ROBO1: variants seen among roughly 807,000 people sequenced by gnomAD.
The protein encoded by ROBO1 is roundabout guidance receptor 1.
Under a neutral mutation model 195.9 loss-of-function variants are expected in ROBO1, and 149 were observed. The ratio of observed to expected loss-of-function variants is 0.76; its 90% CI spans 0.67 to 0.87. The LOEUF (loss-of-function observed/expected upper bound fraction) is 0.87. Among genes scored for constraint, ROBO1 ranks in the 40% least tolerant of loss-of-function variants. The pLI is 0.00. For missense variants in ROBO1, 1,933 were observed against 2,068.3 expected (o/e 0.93, Z 1.27); for synonymous variants, 816 against 733.2 (o/e 1.11, Z -1.82).
intron 2 of ROBO1, among the ~76,000 whole-genome samples, chr3:79,145,867 C>A (rs2080638187): frequency 6.6e-6 from 1 of 151,860 alleles, no homozygotes; most frequent in Non-Finnish European, 1.5e-5. Context: ...TTACAGTGTT[C>A]TTTGAGTGAA....
chr3:78,693,447 T>C, intron 8 of ROBO1: 1 of 931,650 alleles, frequency 1.1e-6, no homozygotes, highest in South Asian at 1.5e-5. Context: ...GACTTAACAA[T>C]GATTCTTCTT....
At chr3:79,378,201 T>TTC (rs979258211) in intron 2 of ROBO1, among the ~76,000 whole-genome samples, 1 of 149,366 alleles carries the variant, frequency 6.7e-6, no homozygotes, top group Non-Finnish European at 1.5e-5. Flanking sequence ...CTCTCTCTCT[T>TTC]TCTCTCTCTC....
Position 79,487,637 on chromosome 3 carries a change from G to A in ROBO1, c.88+102187C>T, listed in dbSNP as rs558537733. ...TTCATTCTCCTAACACTATGTTTAG[G>A]TTCTATGTTATTAAGACAGCTTTAA... On this transcript the variant is annotated intron_variant, in intron 2 of 30. Transcript: ENST00000464233. 2.0e-5 allele frequency among the ~76,000 whole-genome samples: 3 copies of A among 152,198 alleles called. No individual in the cohort carries two copies. The South Asian group carries it at 6.2e-4, about 32-fold the overall frequency.
At chr3:78,981,224 G>A (rs971990467) in intron 3 of ROBO1, among the ~76,000 whole-genome samples, 12 of 152,000 alleles carry the variant, frequency 7.9e-5, no homozygotes, top group African/African-American at 2.9e-4. Context: ...TTATTTTATA[G>A]TACCCTAAAT....
Position 79,363,450 on chromosome 3 carries a change from A to T in ROBO1, c.88+226374T>A, listed in dbSNP as rs747521791. ...TTATTTATGATACCAGGATTTTAAA[A>T]TTTTTAAGAAGTCATTTTTACATAG... On this transcript the variant is annotated intron_variant, in intron 2 of 30. Coordinates refer to ENST00000464233, the MANE Select transcript of ROBO1 (RefSeq NM_002941.4). Among the ~76,000 whole-genome samples, 5 of 152,210 alleles carry T rather than the reference A, an allele frequency of 3.3e-5. No individual in the cohort carries two copies. In the South Asian group the frequency reaches 1.0e-3, roughly 32 times the overall value.
chr3:79,682,533 G>T (rs966518744), intron 1 of ROBO1, among the ~76,000 whole-genome samples: 61 of 151,866 alleles, frequency 4.0e-4, no homozygotes, highest in Non-Finnish European at 4.4e-5. Flanking sequence ...AGTCAATCTT[G>T]GAAAAATGGA....
chr3:78,934,147 T>A (rs189022), intron 4 of ROBO1, among the ~76,000 whole-genome samples: 62,041 of 151,612 alleles, frequency 0.41, 14,023 homozygotes, highest in South Asian at 0.52. Flanking sequence ...CTAACCATAA[T>A]GGAAGTAAAG....
chr3:79,155,270 T>C lies in ROBO1; in HGVS notation c.89-29731A>G, dbSNP rs530587933. 4.6e-4 allele frequency among the ~76,000 whole-genome samples: 70 copies of C among 151,726 alleles called. 1 individual carries two copies. The highest frequency in any genetic ancestry group is 1.4e-3 in the African/African-American group (56 of 41,446). On this transcript the variant is annotated intron_variant, in intron 2 of 30. Coordinates refer to ENST00000464233, the MANE Select transcript of ROBO1 (RefSeq NM_002941.4). ...GAGAAAGGGCATGTTCTGTAGAGTA[T>C]AGAGAGAGGGATAAACAGTCTGTAT... is the stretch of plus-strand genomic sequence containing the variant.
intron 3 of ROBO1, among the ~76,000 whole-genome samples, chr3:78,996,699 C>CAA (rs1398990890): frequency 1.3e-5 from 2 of 152,038 alleles, no homozygotes; most frequent in East Asian, 3.9e-4. Flanking sequence ...CACACATGCA[C>CAA]ACATACACAC....
chr3:78,846,512 T>G (rs2033682691), intron 4 of ROBO1, among the ~76,000 whole-genome samples: 1 of 152,108 alleles, frequency 6.6e-6, no homozygotes, highest in African/African-American at 2.4e-5. Context: ...GATGGCATCT[T>G]TTCACATTTT....
intron 1 of ROBO1, among the ~76,000 whole-genome samples, chr3:79,634,441 A>G (rs952820608): frequency 1.3e-5 from 2 of 152,208 alleles, no homozygotes; most frequent in Non-Finnish European, 2.9e-5. Context: ...AACATTCAAC[A>G]GTCTTAATAT....
At chr3:79,207,156 T>C (rs2081882208) in intron 2 of ROBO1, among the ~76,000 whole-genome samples, 1 of 152,124 alleles carries the variant, frequency 6.6e-6, no homozygotes, top group South Asian at 2.1e-4. Flanking sequence ...AAGTATAGAA[T>C]CTTGGGCCAG....
chr3:78,902,955 T>C (rs1233257617), intron 4 of ROBO1, among the ~76,000 whole-genome samples: 1 of 152,220 alleles, frequency 6.6e-6, no homozygotes, highest in Non-Finnish European at 1.5e-5. Context: ...TTAATTTATT[T>C]TCACACCTAA....
chr3:79,371,362 T>A (rs1199564454), intron 2 of ROBO1, among the ~76,000 whole-genome samples: 4 of 152,144 alleles, frequency 2.6e-5, no homozygotes, highest in Non-Finnish European at 5.9e-5. Flanking sequence ...GAAGACAGAA[T>A]TTAAAGTTTC....
intron 2 of ROBO1, among the ~76,000 whole-genome samples, chr3:79,331,583 T>C (rs1378519848): frequency 2.0e-5 from 3 of 152,200 alleles, no homozygotes; most frequent in Admixed American, 2.0e-4. Flanking sequence ...ATTTTAGACC[T>C]TCTGATAGAA....
At position 78,633,996 on chromosome 3, in the gene ROBO1, T is replaced by C. The variant is rs747778978; in HGVS notation, c.3420A>G (p.Gln1140=). 9.3e-6 allele frequency: 15 copies of C among 1,612,696 alleles called. No homozygotes were observed. The highest frequency in any genetic ancestry group is 2.7e-5 in the African/African-American group (2 of 74,854). The stretch of plus-strand genomic sequence containing the variant: ...ATCCTCCTGTGTTCTGGTCGTATGA[T>C]TGGTTGTATGGGATAGTTGGAGGAA... ...DTVPPTIPYN[Q]SYDQNTGGSY... The change falls in exon 24 of 31, where the codon CAA becomes CAG. Residue 1140 remains glutamine, a synonymous_variant. Coordinates refer to ENST00000464233, the MANE Select transcript of ROBO1 (RefSeq NM_002941.4).
chr3:79,273,396 T>A (rs2030745956), intron 2 of ROBO1, among the ~76,000 whole-genome samples: 1 of 152,094 alleles, frequency 6.6e-6, no homozygotes, highest in Admixed American at 6.6e-5. Context: ...TTTATTAGTT[T>A]TCTCTCTGTT....
intron 1 of ROBO1, among the ~76,000 whole-genome samples, chr3:79,651,382 T>C (rs1490083673): frequency 6.6e-6 from 1 of 152,196 alleles, no homozygotes; most frequent in African/African-American, 2.4e-5. Flanking sequence ...TTTAGGCTTA[T>C]GGTACTTCCA....
intron 1 of ROBO1, among the ~76,000 whole-genome samples, chr3:79,608,137 T>C (rs1944547715): frequency 6.6e-6 from 1 of 152,118 alleles, no homozygotes; most frequent in Admixed American, 6.6e-5. Context: ...TACATGCATG[T>C]GCTTACAAGT....
Sources: allele counts gnomAD v4.1 joint callset (sites outside exome capture counted in the v4.1 genomes callset), GRCh38; gene constraint gnomAD v4.1.1; transcripts MANE v1.5; gene names NCBI Gene and HGNC (gene_info 2026-07-23, HGNC 2026-07-21).